LRRK2: variants seen among roughly 807,000 people sequenced by gnomAD.
LRRK2 encodes the protein leucine rich repeat kinase 2.
LRRK2 carries 203 observed loss-of-function variants against 302.6 expected under a neutral mutation model. That is an observed-to-expected ratio of 0.67 (90% CI 0.60 to 0.75). The LOEUF (loss-of-function observed/expected upper bound fraction) is 0.75, where lower values mean the gene tolerates loss of function less well. Ranked by LOEUF, LRRK2 falls within the 30% of genes least tolerant of loss-of-function variation. The pLI, the probability that LRRK2 is intolerant of heterozygous loss-of-function variation, is 0.00. For synonymous variants in LRRK2, 1,066 were observed against 1,031.9 expected, an observed-to-expected ratio of 1.03 and a Z score of -0.63; for missense variants, 2,830 against 2,951.0, an observed-to-expected ratio of 0.96 and a Z score of 0.95.
At chr12:40,235,515 G>A (rs759891115) in intron 3 of LRRK2, 111 bp from the exon 4 acceptor site, 4 of 724,742 alleles carry the variant, frequency 5.5e-6, no homozygotes, top group South Asian at 3.0e-5. Flanking sequence ...TCACTACAGG[G>A]AATTAAATAC....
Position 40,243,586 on chromosome 12 carries a change from G to A in LRRK2, c.743G>A (p.Arg248Lys), listed in dbSNP as rs1941838565. Residue 248 changes from arginine to lysine, a missense_variant, in exon 7 of 51, where the codon AGG (arginine) becomes AAG (lysine). Arg to Lys is a conservative substitution (Grantham distance 26). Coordinates refer to ENST00000298910, the MANE Select transcript of LRRK2 (RefSeq NM_198578.4). ...NVEVLMSGNV[R>K]CYNIVVEAMK... ...GAAGTCCTCATGAGTGGCAATGTCA[G>A]GTGTTATAATATTGTGGTGGAAGCT... 4 of 1,612,070 alleles carry A rather than the reference G, an allele frequency of 2.5e-6. No individual in the cohort carries two copies. The highest frequency in any genetic ancestry group is 3.4e-6 in the Non-Finnish European group (4 of 1,178,636).
intron 20 of LRRK2, among the ~76,000 whole-genome samples, chr12:40,293,228 C>T (rs962626379): frequency 2.6e-5 from 4 of 152,022 alleles, no homozygotes; most frequent in Admixed American, 2.0e-4. Context: ...CTTTTTCCTG[C>T]TGGACTATGA....
intron 40 of LRRK2, among the ~76,000 whole-genome samples, 166 bp from the exon 41 acceptor site, chr12:40,340,126 CTT>C (rs2136953880): frequency 6.6e-6 from 1 of 152,202 alleles, no homozygotes; most frequent in African/African-American, 2.4e-5. Flanking sequence ...TAATATTAGA[CTT>C]ATATGTTTTG....
At chr12:40,266,083 T>C (rs981345212) in intron 14 of LRRK2, among the ~76,000 whole-genome samples, 4 of 152,212 alleles carry the variant, frequency 2.6e-5, no homozygotes, top group South Asian at 2.1e-4. Flanking sequence ...ATTCAGGACA[T>C]AGGCATAGGC....
At chr12:40,364,526 T>TC (rs398116360) in intron 48 of LRRK2, among the ~76,000 whole-genome samples, 2 of 151,880 alleles carry the variant, frequency 1.3e-5, no homozygotes, top group East Asian at 3.9e-4. Flanking sequence ...CTTTTTTTTT[T>TC]CTTTATCCTG....
chr12:40,229,955 C>CTTTTTTTTTTTTTTTTTTTTT lies in LRRK2; in HGVS notation c.238-2311_238-2291dup, dbSNP rs71078229. Among the ~76,000 whole-genome samples the CTTTTTTTTTTTTTTTTTTTTT allele has an allele frequency of 4.3e-5, 4 of 92,926 alleles. 2 individuals carry two copies. Among genetic ancestry groups the CTTTTTTTTTTTTTTTTTTTTT allele is most frequent in the Non-Finnish European group, 4.2e-5 (2 of 47,742 alleles). 61.0% of individuals were successfully genotyped at this position (92,926 alleles called of 152,430 possible). A position where few individuals can be genotyped will look rare whatever the true frequency, so the allele number is the denominator to read the frequency against. ...GAGATGAGTTTGGCATCCTATGTGA[C>CTTTTTTTTTTTTTTTTTTTTT]TTTTTTTTTTTTTTTTTTTTTTTTT... On this transcript the variant is annotated intron_variant, in intron 2 of 50. Transcript: ENST00000298910.
At chr12:40,278,798 A>G (rs967704653) in intron 18 of LRRK2, among the ~76,000 whole-genome samples, 1 of 152,088 alleles carries the variant, frequency 6.6e-6, no homozygotes, top group South Asian at 2.1e-4. Flanking sequence ...ACATATATCT[A>G]TCTGATTGTT....
intron 19 of LRRK2, 39 bp from the exon 20 acceptor site, chr12:40,287,312 T>G: frequency 1.3e-6 from 2 of 1,575,122 alleles, no homozygotes; most frequent in South Asian, 2.2e-5. Context: ...TTTGCATAAT[T>G]GTTGATTTCT....
At position 40,295,664 on chromosome 12, in the gene LRRK2, G is replaced by T. The variant is rs1389282669; in HGVS notation, c.3096+20G>T. ...TGTGAAGTAAATTTAATTTATCCTTGTAACTTTCAAGACATTTGAAGAGCT... is the reference window on the plus strand; with the variant it reads ...TGTGAAGTAAATTTAATTTATCCTTTTAACTTTCAAGACATTTGAAGAGCT... On this transcript the variant is annotated intron_variant, in intron 23 of 50. Transcript: ENST00000298910. 6.2e-7 allele frequency: 1 copy of T among 1,605,396 alleles called. No homozygotes were observed. The highest frequency in any genetic ancestry group is 1.1e-5 in the South Asian group (1 of 90,730).
intron 39 of LRRK2, among the ~76,000 whole-genome samples, chr12:40,334,001 GA>G (rs1488283254): frequency 6.6e-6 from 1 of 152,118 alleles, no homozygotes; most frequent in Non-Finnish European, 1.5e-5. Flanking sequence ...AAGTAGATGG[GA>G]TTTTCATCTA....
chr12:40,302,732 T>G, intron 25 of LRRK2, 57 bp from the exon 26 acceptor site: 1 of 1,217,398 alleles, frequency 8.2e-7, no homozygotes, highest in Non-Finnish European at 1.2e-6. Flanking sequence ...TATTTTTGAA[T>G]TTAATGGAAA....
intron 47 of LRRK2, among the ~76,000 whole-genome samples, chr12:40,360,489 G>C (rs1281977629): frequency 6.6e-6 from 1 of 152,004 alleles, no homozygotes; most frequent in Non-Finnish European, 1.5e-5. Flanking sequence ...GGTACCATGG[G>C]CCAGACTGCC....
intron 14 of LRRK2, among the ~76,000 whole-genome samples, chr12:40,265,862 T>C (rs2136553639): frequency 6.6e-6 from 1 of 152,200 alleles, no homozygotes; most frequent in South Asian, 2.1e-4. Context: ...TCTACAACCA[T>C]CTGATCTTTG....
chr12:40,275,039 C>A, intron 16 of LRRK2, 46 bp downstream of exon 16: 3 of 1,609,774 alleles, frequency 1.9e-6, no homozygotes, highest in South Asian at 2.2e-5. Context: ...GTGCGAATTT[C>A]ACTTTTGGAG....
At position 40,322,027 on chromosome 12, in the gene LRRK2, T is replaced by G; in HGVS notation, c.5171-8T>G. On this transcript the variant is annotated splice_polypyrimidine_tract_variant and splice_region_variant and intron_variant, in intron 35 of 50. Transcript: ENST00000298910. ...AAGCAGTTAATAATTAATGGCTCCA[T>G]TTTTTAGAACGAGCACTTCGCCCAA... 2 of 1,612,946 alleles carry G rather than the reference T, an allele frequency of 1.2e-6. No homozygotes were observed. Among genetic ancestry groups the G allele is most frequent in the Non-Finnish European group, 1.7e-6 (2 of 1,179,264 alleles).
At chr12:40,283,045 A>T (rs17466080) in intron 18 of LRRK2, among the ~76,000 whole-genome samples, 14,701 of 120,322 alleles carry the variant, frequency 0.12, 1,004 homozygotes, top group Middle Eastern at 0.15. Context: ...GGATTTTTTT[A>T]AAAAAAAGAT....
chr12:40,333,740 G>A (rs1202183652), intron 39 of LRRK2, among the ~76,000 whole-genome samples: 2 of 151,900 alleles, frequency 1.3e-5, no homozygotes, highest in Non-Finnish European at 2.9e-5. Flanking sequence ...GTGGCCCATG[G>A]CGGGCCTCTC....
rs1298053123 is a variant in LRRK2, at chr12:40,342,486, T to TC, written c.6109+2032_6109+2033insC. The stretch of plus-strand genomic sequence containing the variant: ...TGCTTAGTACTTTGTAAGCTTTTTT[T>TC]TTTTTTCTGGCTGTAACCTAGATTT... On this transcript the variant is annotated intron_variant, in intron 41 of 50. Coordinates refer to ENST00000298910, the MANE Select transcript of LRRK2 (RefSeq NM_198578.4). Among the ~76,000 whole-genome samples, 7 of 151,664 alleles carry TC rather than the reference T, an allele frequency of 4.6e-5. No individual in the cohort carries two copies. In the East Asian group the frequency reaches 1.4e-3, roughly 29 times the overall value.
chr12:40,356,612 C>A (rs1051410084), intron 46 of LRRK2, among the ~76,000 whole-genome samples: 3 of 152,136 alleles, frequency 2.0e-5, no homozygotes, highest in Non-Finnish European at 1.5e-5. Flanking sequence ...TTAAAGCATT[C>A]ATTTCTCTAT....
Sources: gnomAD v4.1 joint callset for allele counts (sites outside exome capture counted in the v4.1 genomes callset) on GRCh38, gnomAD v4.1.1 for gene constraint, MANE v1.5 for transcripts, NCBI Gene and HGNC (gene_info 2026-07-23, HGNC 2026-07-21) for gene names.